Variants in CAMSAP3 observed in about 807,000 individuals in gnomAD.
CAMSAP3 encodes calmodulin-regulated spectrin-associated protein 3.
CAMSAP3 carries 34 observed loss-of-function variants against 112.5 expected under a neutral mutation model. The observed-to-expected ratio is 0.30, with a 90% CI of 0.23 to 0.40. The LOEUF is 0.40. Ranked by LOEUF, CAMSAP3 falls within the 10% of genes least tolerant of loss-of-function variation. The pLI is 1.00. For synonymous variants in CAMSAP3, 868 were observed against 799.8 expected (o/e 1.09, Z -1.44); for missense variants, 1,602 against 1,770.3 (o/e 0.90, Z 1.71).
In CAMSAP3 at chr19:7,607,946, C is replaced by A; in HGVS notation, c.622-180C>A. ...TGCTGGCCTGGCTGCTCGAAGACATCTCCTCTGCCTCTTGCTGCTGCCCCT... is the reference window on the plus strand; with the variant it reads ...TGCTGGCCTGGCTGCTCGAAGACATATCCTCTGCCTCTTGCTGCTGCCCCT... On this transcript the variant is annotated intron_variant, in intron 4 of 16. Transcript: ENST00000160298. This position sits in a 1 kb window ranked among gnomAD's most constrained non-coding sequence, Gnocchi z 4.9. 2.4e-6 allele frequency: 2 copies of A among 844,632 alleles called. No individual in the cohort carries two copies. Among genetic ancestry groups the A allele is most frequent in the Admixed American group, 2.3e-5 (1 of 43,712 alleles). 52.3% of individuals were successfully genotyped at this position (844,632 alleles called of 1,614,324 possible).
rs1313530597 is a variant in CAMSAP3 at position 7,617,529 on chromosome 19, G to A, written c.3326-14G>A. On this transcript the variant is annotated splice_polypyrimidine_tract_variant and intron_variant, in intron 15 of 16. Transcript: ENST00000160298. The surrounding 1 kb of genome is among the most constrained non-coding windows in gnomAD (Gnocchi z 7.5). ...CTGCTGCCCCCCACCCCCTCCCACT[G>A]CCTCACCCTCTAGGTCCACGGCTGT... The A allele has an allele frequency of 1.2e-6, 2 of 1,607,732 alleles. No individual in the cohort carries two copies. Among genetic ancestry groups the A allele is most frequent in the Non-Finnish European group, 1.7e-6 (2 of 1,174,940 alleles).
At position 7,618,031 on chromosome 19, in the gene CAMSAP3, A is replaced by G; in HGVS notation, c.3724A>G (p.Lys1242Glu). ...GCAGGGCAAGAAACCCACCACTCCCAAGAAGGGCGGCGGCACCCCCAAATA... is the reference window on the plus strand; with the variant it reads ...GCAGGGCAAGAAACCCACCACTCCCGAGAAGGGCGGCGGCACCCCCAAATA... ...LWQGKKPTTP[K>E]KGGGTPK Residue 1242 changes from lysine to glutamate, a missense_variant, in exon 17 of 17, where the codon AAG becomes GAG. Physicochemically the swap from Lys to Glu is moderately conservative, Grantham distance 56. Transcript: ENST00000160298. 2 of 1,613,330 alleles carry G rather than the reference A, an allele frequency of 1.2e-6. No individual in the cohort carries two copies. The highest frequency in any genetic ancestry group is 1.7e-6 in the Non-Finnish European group (2 of 1,179,578).
chr19:7,605,384 G>A lies in CAMSAP3; in HGVS notation c.307G>A (p.Ala103Thr), dbSNP rs1276647159. ...PQLETPPNPS[A>T]LLALLARRGT... ...GCTTGAAACACCCCCCAACCCCTCT[G>A]CACTGCTGGCCCTGCTGGCGCGGAG... Residue 103 changes from alanine (A) to threonine (T), a missense_variant, in exon 2 of 17, where the codon GCA (alanine) becomes ACA (threonine). Physicochemically the swap from Ala to Thr is moderately conservative, Grantham distance 58. Transcript: ENST00000160298. 2 of 1,562,868 alleles carry A rather than the reference G, an allele frequency of 1.3e-6. No individual in the cohort carries two copies. The highest frequency in any genetic ancestry group is 1.7e-4 in the Middle Eastern group (1 of 5,886).
In CAMSAP3 at chr19:7,605,430, C is replaced by T. The variant is rs368466988; in HGVS notation, c.353C>T (p.Pro118Leu). The change falls in exon 2 of 17, where the codon CCC becomes CTC. Residue 118 changes from proline to leucine, a missense_variant. Around this residue, in one of 6 missense-constraint regions of CAMSAP3, gnomAD observed 35 missense variants for 79.8 expected, o/e 0.44. Coordinates refer to ENST00000160298, the MANE Select transcript of CAMSAP3 (RefSeq NM_020902.2). Reference protein sequence around the residue: ...LARRGTVPALPERPVREADLR... With the variant: ...LARRGTVPALLERPVREADLR... ...CGGAGGGGCACAGTGCCTGCTTTGC[C>T]CGAGCGCCCGGTGCGCGAGGCCGAC... is the stretch of plus-strand genomic sequence containing the variant. The T allele has an allele frequency of 6.8e-7, 1 of 1,462,388 alleles. No individual in the cohort carries two copies. Among genetic ancestry groups the T allele is most frequent in the Non-Finnish European group, 9.1e-7 (1 of 1,103,704 alleles). 90.6% of individuals were successfully genotyped at this position (1,462,388 alleles called of 1,614,324 possible). A position where few individuals can be genotyped will look rare whatever the true frequency, so the allele number is the denominator to read the frequency against.
chr19:7,600,877 TC>T (rs1345364829), intron 1 of CAMSAP3, among the ~76,000 whole-genome samples: 62 of 140,448 alleles, frequency 4.4e-4, no homozygotes, highest in Middle Eastern at 3.8e-3. Context: ...CACCCATTCA[TC>T]CATTTATCCA....
Position 7,607,919 on chromosome 19 carries a change from G to T in CAMSAP3, c.622-207G>T. ...CCAGGAGTCCCTGTCCCCAGCCCCCGCTGCTGGCCTGGCTGCTCGAAGACA... is the reference window on the plus strand; with the variant it reads ...CCAGGAGTCCCTGTCCCCAGCCCCCTCTGCTGGCCTGGCTGCTCGAAGACA... On this transcript the variant is annotated intron_variant, in intron 4 of 16. Coordinates refer to ENST00000160298, the MANE Select transcript of CAMSAP3 (RefSeq NM_020902.2). This position sits in a 1 kb window ranked among gnomAD's most constrained non-coding sequence, Gnocchi z 4.9. 1 of 806,308 alleles carries T rather than the reference G, an allele frequency of 1.2e-6. No homozygotes were observed. Among genetic ancestry groups the T allele is most frequent in the Non-Finnish European group, 2.1e-6 (1 of 476,418 alleles). The allele number at this position is 806,308 out of a possible 1,614,324, so 49.9% of individuals were successfully genotyped here. A position where few individuals can be genotyped will look rare whatever the true frequency, so the allele number is the denominator to read the frequency against.
chr19:7,607,786 C>A lies in CAMSAP3; in HGVS notation c.622-340C>A. On this transcript the variant is annotated intron_variant, in intron 4 of 16. Coordinates refer to ENST00000160298, the MANE Select transcript of CAMSAP3 (RefSeq NM_020902.2). The surrounding 1 kb of genome is among the most constrained non-coding windows in gnomAD (Gnocchi z 4.9). ...TTGGGGGCCCAGCAGGTCAGCACCC[C>A]TCCCCCTTGCTGATGGCTGCTCCTC... 1.1e-6 allele frequency: 1 copy of A among 884,550 alleles called. No homozygotes were observed. The highest frequency in any genetic ancestry group is 1.7e-6 in the Non-Finnish European group (1 of 578,346). The allele number at this position is 884,550 out of a possible 1,614,324, so 54.8% of individuals were successfully genotyped here.
rs1568444699 is a variant in CAMSAP3, at chr19:7,611,107, C to T, written c.1062C>T (p.Phe354=). Residue 354 remains phenylalanine, a synonymous_variant, in exon 9 of 17, where the codon TTC becomes TTT. Transcript: ENST00000160298. This position sits in a 1 kb window ranked among gnomAD's most constrained non-coding sequence, Gnocchi z 6.9. ...TCTCTCCGTACAGTTCTCCTGTCTTCACCTTCCGCCACCCGCTTCTGTCAT... is the reference window on the plus strand; with the variant it reads ...TCTCTCCGTACAGTTCTCCTGTCTTTACCTTCCGCCACCCGCTTCTGTCAT... ...QNNSGSSSPV[F]TFRHPLLSSG... 1.1e-5 allele frequency: 17 copies of T among 1,613,758 alleles called. No homozygotes were observed. Among genetic ancestry groups the T allele is most frequent in the Non-Finnish European group, 1.4e-5 (16 of 1,179,956 alleles).
chr19:7,617,419 G>T lies in CAMSAP3; in HGVS notation c.3306G>T (p.Ala1102=). 1 of 1,613,988 alleles carries T rather than the reference G, an allele frequency of 6.2e-7. No individual in the cohort carries two copies. Among genetic ancestry groups the T allele is most frequent in the Non-Finnish European group, 8.5e-7 (1 of 1,179,950 alleles). Residue 1102 remains alanine, a synonymous_variant, in exon 15 of 17, where the codon GCG becomes GCT. Transcript: ENST00000160298. This position sits in a 1 kb window ranked among gnomAD's most constrained non-coding sequence, Gnocchi z 7.5. ...WENGSNASSP[A]SVPEYTGPRL... is the part of the protein sequence containing the mutation. ...ATGGCAGCAATGCCTCCTCCCCAGC[G>T]TCAGTGCCCGAGTACACAGGTAAGC...
chr19:7,611,216 C>G lies in CAMSAP3; in HGVS notation c.1123+48C>G. 6.4e-7 allele frequency: 1 copy of G among 1,564,440 alleles called. No individual in the cohort carries two copies. The highest frequency in any genetic ancestry group is 8.8e-7 in the Non-Finnish European group (1 of 1,136,782). On this transcript the variant is annotated intron_variant, in intron 9 of 16. Transcript: ENST00000160298. This position sits in a 1 kb window ranked among gnomAD's most constrained non-coding sequence, Gnocchi z 6.9. ...CTGTCACGGGGGACCCCCCCACTCA[C>G]AGACTGCCCCAGTGGGCCTCATGTT...
Position 7,612,269 on chromosome 19 carries a change from G to A in CAMSAP3, c.1776G>A (p.Pro592=), listed in dbSNP as rs746043259. Residue 592 remains proline (P), a synonymous_variant, in exon 11 of 17, where the codon CCG becomes CCA. Coordinates refer to ENST00000160298, the MANE Select transcript of CAMSAP3 (RefSeq NM_020902.2). ...GAGSPTSTPA[P]PEALSSEMSE... is the part of the protein sequence containing the mutation. ...GGTCCCCCACGTCCACTCCGGCCCC[G>A]CCGGAGGCCCTGAGCTCGGAGATGA... 5.0e-6 allele frequency: 8 copies of A among 1,595,476 alleles called. No homozygotes were observed. The East Asian group carries it at 9.1e-5, about 18-fold the overall frequency.
In CAMSAP3 at chr19:7,616,730, T is replaced by G; in HGVS notation, c.3212+108T>G. 3 of 768,428 alleles carry G rather than the reference T, an allele frequency of 3.9e-6. No individual in the cohort carries two copies. The South Asian group carries it at 4.3e-5, about 11-fold the overall frequency. 47.6% of individuals were successfully genotyped at this position (768,428 alleles called of 1,614,324 possible). A position where few individuals can be genotyped will look rare whatever the true frequency, so the allele number is the denominator to read the frequency against. ...TAGAGGGCGGTATGGCTCGAGTTTA[T>G]GGATACGCCATGAAGAGATGGAGGG... On this transcript the variant is annotated intron_variant, in intron 14 of 16. Coordinates refer to ENST00000160298, the MANE Select transcript of CAMSAP3 (RefSeq NM_020902.2).
Position 7,612,979 on chromosome 19 carries a change from C to T in CAMSAP3, c.2486C>T (p.Ala829Val), listed in dbSNP as rs765553330. 3.1e-6 allele frequency: 5 copies of T among 1,591,898 alleles called. No individual in the cohort carries two copies. The highest frequency in any genetic ancestry group is 2.3e-5 in the East Asian group (1 of 42,768). Residue 829 changes from alanine to valine, a missense_variant, in exon 11 of 17, where the codon GCG becomes GTG. By Grantham distance (64) the Ala-to-Val change is moderately conservative (BLOSUM62 0). Coordinates refer to ENST00000160298, the MANE Select transcript of CAMSAP3 (RefSeq NM_020902.2). ...PVQTRSSILL[A>V]EETPPEEPAA... ...CAGACGCGCTCTTCCATCCTCCTGG[C>T]GGAGGAGACGCCCCCCGAGGAGCCA...
In CAMSAP3 at chr19:7,606,568, C is replaced by T. The variant is rs2030236975; in HGVS notation, c.618C>T (p.Pro206=). ...APADGAAPAQ[P]SIRYRKDRVV... is the part of the protein sequence containing the mutation. ...CAGACGGGGCGGCCCCGGCGCAGCC[C>T]TCGGTGAGGCCAGGGCATAGAACCG... is the stretch of plus-strand genomic sequence containing the variant. The change falls in exon 4 of 17, where the codon CCC becomes CCT. Residue 206 remains proline, a synonymous_variant. Transcript: ENST00000160298. 2.6e-6 allele frequency: 4 copies of T among 1,528,864 alleles called. No individual in the cohort carries two copies. The highest frequency in any genetic ancestry group is 1.2e-5 in the South Asian group (1 of 82,958). 94.7% of individuals were successfully genotyped at this position (1,528,864 alleles called of 1,614,324 possible).
chr19:7,617,315 T>TC lies in CAMSAP3; in HGVS notation c.3213-8dup. 2 of 1,601,144 alleles carry TC rather than the reference T, an allele frequency of 1.2e-6. No homozygotes were observed. The highest frequency in any genetic ancestry group is 1.7e-5 in the Admixed American group (1 of 59,964). ...TGACCCCACCTCCATCCCATCCTTC[T>TC]CCCACTGCAGGGCTCCCTCCCCGTC... On this transcript the variant is annotated splice_polypyrimidine_tract_variant and intron_variant, in intron 14 of 16. Transcript: ENST00000160298. The surrounding 1 kb of genome is among the most constrained non-coding windows in gnomAD (Gnocchi z 7.5).
intron 1 of CAMSAP3, among the ~76,000 whole-genome samples, chr19:7,597,360 G>A (rs1459505222): frequency 6.6e-6 from 1 of 152,154 alleles, no homozygotes; most frequent in Non-Finnish European, 1.5e-5. Flanking sequence ...TTGGGCATTG[G>A]ACAGCCAGGA....
intron 14 of CAMSAP3, among the ~76,000 whole-genome samples, chr19:7,616,945 T>G (rs1414976551): frequency 6.1e-5 from 8 of 131,668 alleles, no homozygotes; most frequent in Middle Eastern, 3.5e-3. Context: ...TTTTTTTTTT[T>G]TTTTTTTTTT....
Position 7,608,160 on chromosome 19 carries a change from G to A in CAMSAP3, c.656G>A (p.Arg219His), listed in dbSNP as rs371424762. The change falls in exon 5 of 17, where the codon CGT becomes CAT. Residue 219 changes from arginine (R) to histidine (H), a missense_variant. By Grantham distance (29) the Arg-to-His change is conservative. Coordinates refer to ENST00000160298, the MANE Select transcript of CAMSAP3 (RefSeq NM_020902.2). ...RYRKDRVVARRAPCFPTVTSL... is the reference protein window; with the variant it reads ...RYRKDRVVARHAPCFPTVTSL... ...CGCAAGGACCGTGTGGTGGCGCGAC[G>A]TGCCCCCTGCTTCCCGACGGTGACC... is the stretch of plus-strand genomic sequence containing the variant. The A allele has an allele frequency of 6.1e-5, 99 of 1,612,018 alleles. No homozygotes were observed. The highest frequency in any genetic ancestry group is 8.1e-5 in the Non-Finnish European group (95 of 1,179,890).
Position 7,608,262 on chromosome 19 carries a change from A to T in CAMSAP3, c.758A>T (p.Glu253Val). ...HCYCPQLLRL[E>V]EVCLKDPMSV... is the part of the protein sequence containing the mutation. ...TATTGTCCCCAGCTGCTTCGACTTG[A>T]GGGTGAGTAAATGGATGTGGAACAG... The change falls in exon 5 of 17, where the codon GAG becomes GTG. Residue 253 changes from glutamate to valine, a missense_variant and splice_region_variant. Glu to Val is a moderately radical substitution (Grantham distance 121). Coordinates refer to ENST00000160298, the MANE Select transcript of CAMSAP3 (RefSeq NM_020902.2). 6.2e-7 allele frequency: 1 copy of T among 1,610,984 alleles called. No individual in the cohort carries two copies. The highest frequency in any genetic ancestry group is 8.5e-7 in the Non-Finnish European group (1 of 1,178,436).
Sources: gnomAD v4.1 joint callset for allele counts (sites outside exome capture counted in the v4.1 genomes callset) on GRCh38, gnomAD v4.1.1 for gene constraint, gnomAD v4.1.1 regional missense constraint, Gnocchi (gnomAD v3.1) non-coding constraint, MANE v1.5 for transcripts, NCBI Gene and HGNC (gene_info 2026-07-23, HGNC 2026-07-21) for gene names.